Variants in CADM2 observed in about 807,000 individuals in gnomAD.
CADM2 encodes immunoglobulin superfamily member 4D.
Under a neutral mutation model 49.8 loss-of-function variants are expected in CADM2, and 12 were observed. The observed-to-expected ratio is 0.24, with a 90% CI of 0.15 to 0.39. The LOEUF (loss-of-function observed/expected upper bound fraction) is 0.39, where lower values mean the gene tolerates loss of function less well. Ranked by LOEUF, CADM2 falls within the 10% of genes least tolerant of loss-of-function variation. CADM2 has a pLI of 1.00. For synonymous variants in CADM2, 214 were observed against 175.4 expected (o/e 1.22, Z -1.74); for missense variants, 378 against 492.3 (o/e 0.77, Z 2.20).
chr3:85,232,443 CT>C (rs1467909869), intron 1 of CADM2, among the ~76,000 whole-genome samples: 1 of 151,836 alleles, frequency 6.6e-6, no homozygotes, highest in Non-Finnish European at 1.5e-5. Context: ...TTTTGTACTC[CT>C]TTGTAAACTT....
intron 1 of CADM2, among the ~76,000 whole-genome samples, chr3:85,683,423 C>CT (rs1418951084): frequency 1.3e-5 from 2 of 152,100 alleles, no homozygotes; most frequent in Admixed American, 6.6e-5. Flanking sequence ...CTGTGTGAAT[C>CT]TTTTTTGATA....
intron 1 of CADM2, among the ~76,000 whole-genome samples, chr3:84,966,549 C>T (rs920856096): frequency 1.3e-5 from 2 of 151,908 alleles, no homozygotes; most frequent in Non-Finnish European, 2.9e-5. Context: ...ACACACAAGT[C>T]TTACAATTTA....
At chr3:85,887,594 A>T (rs1713847783) in intron 5 of CADM2, among the ~76,000 whole-genome samples, 2 of 152,146 alleles carry the variant, frequency 1.3e-5, no homozygotes, top group Non-Finnish European at 2.9e-5. Flanking sequence ...TTTTACCCTG[A>T]TCACTACGCT....
intron 1 of CADM2, among the ~76,000 whole-genome samples, chr3:85,375,533 G>T (rs1246286249): frequency 6.6e-6 from 1 of 152,168 alleles, no homozygotes; most frequent in African/African-American, 2.4e-5. Flanking sequence ...AAAAAAGTTT[G>T]CTTAGAAGCT....
intron 1 of CADM2, among the ~76,000 whole-genome samples, chr3:85,230,110 G>A (rs1419953021): frequency 2.0e-5 from 3 of 152,084 alleles, no homozygotes; most frequent in African/African-American, 7.2e-5. Flanking sequence ...TCCCCTCCCT[G>A]GGCCCTGGTA....
intron 1 of CADM2, among the ~76,000 whole-genome samples, chr3:85,007,165 T>C (rs1052682561): frequency 4.6e-5 from 7 of 152,128 alleles, no homozygotes; most frequent in African/African-American, 1.7e-4. Context: ...ATACTTTTAG[T>C]TGTTAGAATT....
intron 1 of CADM2, among the ~76,000 whole-genome samples, chr3:85,175,430 T>C (rs1240556433): frequency 6.6e-6 from 1 of 152,126 alleles, no homozygotes; most frequent in Non-Finnish European, 1.5e-5. Flanking sequence ...TTCAGTTTTT[T>C]AAAAAGAAGG....
chr3:84,980,717 C>T (rs2032123988), intron 1 of CADM2, among the ~76,000 whole-genome samples: 1 of 152,118 alleles, frequency 6.6e-6, no homozygotes, highest in Admixed American at 6.5e-5. Flanking sequence ...ATAACTGATG[C>T]TACCTCTCTG....
At chr3:85,730,474 TAA>T (rs2067884215) in intron 2 of CADM2, among the ~76,000 whole-genome samples, 1 of 137,736 alleles carries the variant, frequency 7.3e-6, no homozygotes, top group Non-Finnish European at 1.6e-5. Context: ...TAAAATAAAA[TAA>T]AATATAAAAA....
chr3:85,838,815 A>G (rs1300600652), intron 3 of CADM2, among the ~76,000 whole-genome samples: 1 of 151,860 alleles, frequency 6.6e-6, no homozygotes, highest in Non-Finnish European at 1.5e-5. Flanking sequence ...GGAGGGAATT[A>G]TGAAAGTAAC....
chr3:85,400,086 C>T (rs1329844382), intron 1 of CADM2, among the ~76,000 whole-genome samples: 2 of 152,094 alleles, frequency 1.3e-5, no homozygotes, highest in Non-Finnish European at 1.5e-5. Context: ...GCTGTGGGCT[C>T]GTCATAGGTA....
chr3:86,058,397 G>T (rs1738242752), intron 8 of CADM2, among the ~76,000 whole-genome samples: 1 of 151,802 alleles, frequency 6.6e-6, no homozygotes, highest in Non-Finnish European at 1.5e-5. Context: ...ATTCTTCTAA[G>T]CCATTTCAGA....
intron 1 of CADM2, among the ~76,000 whole-genome samples, chr3:85,222,282 C>T (rs548842880): frequency 2.0e-5 from 3 of 152,154 alleles, no homozygotes; most frequent in African/African-American, 7.2e-5. Flanking sequence ...GTTGAGACCT[C>T]ATTTCTCTTT....
intron 1 of CADM2, among the ~76,000 whole-genome samples, chr3:85,078,203 GATCCT>G (rs1353461710): frequency 6.6e-6 from 1 of 151,876 alleles, no homozygotes; most frequent in African/African-American, 2.4e-5. Context: ...TTCTTTAAAT[GATCCT>G]ATTTTTAAAA....
At chr3:85,282,268 CT>C (rs563039552) in intron 1 of CADM2, among the ~76,000 whole-genome samples, 1,140 of 106,372 alleles carry the variant, frequency 0.011, 5 homozygotes, top group Non-Finnish European at 0.016. Flanking sequence ...TTTTTTTTGC[CT>C]TTTTTTTTTT....
intron 1 of CADM2, among the ~76,000 whole-genome samples, chr3:85,384,958 T>G (rs2107370228): frequency 6.6e-6 from 1 of 152,240 alleles, no homozygotes; most frequent in South Asian, 2.1e-4. Flanking sequence ...TTTCTTGAGA[T>G]GGAGTCTCAC....
intron 1 of CADM2, among the ~76,000 whole-genome samples, chr3:85,649,835 G>A (rs915566293): frequency 1.3e-5 from 2 of 152,104 alleles, no homozygotes; most frequent in African/African-American, 2.4e-5. Context: ...AGGGACTGGT[G>A]AACTATGGCC....
chr3:85,638,087 T>A (rs2107542672), intron 1 of CADM2, among the ~76,000 whole-genome samples: 1 of 152,284 alleles, frequency 6.6e-6, no homozygotes, highest in Non-Finnish European at 1.5e-5. Flanking sequence ...ATCAGCATAG[T>A]TCAGTAAATG....
rs921840647 is a variant in CADM2 at position 85,145,176 on chromosome 3, A to G, written c.61+185508A>G. Among the ~76,000 whole-genome samples the G allele has an allele frequency of 2.0e-5, 3 of 152,344 alleles. No homozygotes were observed. The East Asian group carries it at 5.8e-4, about 29-fold the overall frequency. ...TTAAAGGTTTAATTCAATTTAATTCAACAAATATTTATTTGTTCACCTACT... is the reference window on the plus strand; with the variant it reads ...TTAAAGGTTTAATTCAATTTAATTCGACAAATATTTATTTGTTCACCTACT... On this transcript the variant is annotated intron_variant, in intron 1 of 9. Coordinates refer to ENST00000383699, the MANE Select transcript of CADM2 (RefSeq NM_001167675.2).
Sources: allele counts gnomAD v4.1 joint callset (sites outside exome capture counted in the v4.1 genomes callset), GRCh38; gene constraint gnomAD v4.1.1; transcripts MANE v1.5; gene names NCBI Gene and HGNC (gene_info 2026-07-23, HGNC 2026-07-21).